PCDHA12: variants seen among roughly 807,000 people sequenced by gnomAD.
The protein encoded by PCDHA12 is protocadherin alpha-12.
Under a neutral mutation model 60.0 loss-of-function variants are expected in PCDHA12, and 44 were observed. The observed-to-expected ratio is 0.73, with a 90% CI of 0.58 to 0.94. The LOEUF (loss-of-function observed/expected upper bound fraction) is 0.94, where lower values mean the gene tolerates loss of function less well. Among genes scored for constraint, PCDHA12 ranks in the 40% least tolerant of loss-of-function variants. The pLI is 0.00. For synonymous variants in PCDHA12, 569 were observed against 553.0 expected (o/e 1.03, Z -0.40); for missense variants, 1,276 against 1,239.7 (o/e 1.03, Z -0.44).
intron 1 of PCDHA12, among the ~76,000 whole-genome samples, chr5:140,910,422 C>T (rs1184807086): frequency 6.6e-6 from 1 of 152,148 alleles, no homozygotes; most frequent in Non-Finnish European, 1.5e-5. Flanking sequence ...TCCAATTATT[C>T]CCATTGCATT....
intron 1 of PCDHA12, among the ~76,000 whole-genome samples, chr5:140,936,591 G>T (rs1188475668): frequency 6.6e-6 from 1 of 152,180 alleles, no homozygotes; most frequent in Non-Finnish European, 1.5e-5. Context: ...CAGTTAGATT[G>T]CCTACTTTCC....
At chr5:140,916,261 A>C (rs2077497892) in intron 1 of PCDHA12, among the ~76,000 whole-genome samples, 1 of 152,168 alleles carries the variant, frequency 6.6e-6, no homozygotes. Context: ...GGACCCCAAG[A>C]GCATGCTTGT....
At chr5:141,005,490 TC>T (rs1451220963) in intron 3 of PCDHA12, among the ~76,000 whole-genome samples, 1 of 151,242 alleles carries the variant, frequency 6.6e-6, no homozygotes. Flanking sequence ...GATCATGAGG[TC>T]AGGAGATCGA....
chr5:140,918,496 A>G lies in PCDHA12; in HGVS notation c.2367+40657A>G, dbSNP rs79827125. Among the ~76,000 whole-genome samples the G allele has an allele frequency of 8.0e-3, 1,215 of 152,276 alleles. 6 individuals are homozygous for G. Among genetic ancestry groups the G allele is most frequent in the African/African-American group, 0.019 (784 of 41,558 alleles). On this transcript the variant is annotated intron_variant, in intron 1 of 3. Transcript: ENST00000398631. ...TCTCAAGGGGAATGCTTTGGATGGT[A>G]CCAATCCTTTTAAACTTATTGAGGA...
chr5:140,948,464 G>A (rs1357759863), intron 1 of PCDHA12, among the ~76,000 whole-genome samples: 1 of 151,508 alleles, frequency 6.6e-6, no homozygotes, highest in Non-Finnish European at 1.5e-5. Flanking sequence ...TTTAGGGAAA[G>A]TTTCTGATAA....
intron 1 of PCDHA12, among the ~76,000 whole-genome samples, chr5:140,955,431 AG>A (rs1273972601): frequency 1.3e-5 from 2 of 152,194 alleles, no homozygotes; most frequent in East Asian, 3.9e-4. Flanking sequence ...AGTTCTCATT[AG>A]GTCTGATGGT....
chr5:140,882,836 T>C (rs782210486), intron 1 of PCDHA12: 1 of 1,614,226 alleles, frequency 6.2e-7, no homozygotes, highest in South Asian at 1.1e-5. Flanking sequence ...TGAGCAAATG[T>C]CTTCATTATC....
At chr5:140,989,410 C>T (rs568177388) in intron 3 of PCDHA12, among the ~76,000 whole-genome samples, 1 of 152,230 alleles carries the variant, frequency 6.6e-6, no homozygotes, top group South Asian at 2.1e-4. Context: ...GGAGAGTCTG[C>T]ACTTCACTCT....
rs542536806 is a variant in PCDHA12, at chr5:140,896,054, G to T, written c.2367+18215G>T. Among the ~76,000 whole-genome samples the T allele has an allele frequency of 4.6e-5, 7 of 151,966 alleles. 1 individual carries two copies. In the East Asian group the frequency reaches 1.4e-3, roughly 30 times the overall value. On this transcript the variant is annotated intron_variant, in intron 1 of 3. Transcript: ENST00000398631. ...TCGAACTCCTGACCTCAGGTGATCC[G>T]CCTGCCTCGGCCTCCCAACATGCTG...
Position 140,978,839 on chromosome 5 carries a change from C to CT in PCDHA12, c.2368-104dup, listed in dbSNP as rs5871758. On this transcript the variant is annotated intron_variant, in intron 1 of 3. Transcript: ENST00000398631. ...TACACATGAAATGGCTCATTCAATA[C>CT]TTTTTTAGATGCCTGGAAATATTTA... 14,607 of 1,556,970 alleles carry CT rather than the reference C, an allele frequency of 9.4e-3. 629 individuals carry two copies. The African/African-American group carries it at 0.12, about 13-fold the overall frequency.
At chr5:140,914,030 G>T (rs2076568173) in intron 1 of PCDHA12, among the ~76,000 whole-genome samples, 1 of 152,298 alleles carries the variant, frequency 6.6e-6, no homozygotes, top group East Asian at 1.9e-4. Flanking sequence ...CACGTGCTGA[G>T]AAGAATGTGT....
At chr5:140,883,474 G>C in intron 1 of PCDHA12, 1 of 1,614,126 alleles carries the variant, frequency 6.2e-7, no homozygotes, top group Middle Eastern at 1.7e-4. Flanking sequence ...CCACCTACAA[G>C]AACTACTACT....
intron 3 of PCDHA12, among the ~76,000 whole-genome samples, chr5:140,990,983 A>G (rs3776109): frequency 0.049 from 7,423 of 152,298 alleles, 240 homozygotes; most frequent in South Asian, 0.11. Flanking sequence ...AAAGGAAGAC[A>G]ATAGCTACCA....
intron 1 of PCDHA12, among the ~76,000 whole-genome samples, chr5:140,900,747 CTTGGTAGCTCTATT>C (rs545406022): frequency 3.1e-4 from 47 of 152,302 alleles, no homozygotes; most frequent in African/African-American, 1.1e-3. Flanking sequence ...TTCTGGATCA[CTTGGTAGCTCTATT>C]TTTGGCTTTT....
At chr5:140,990,155 G>GT (rs1274867030) in intron 3 of PCDHA12, among the ~76,000 whole-genome samples, 4 of 152,076 alleles carry the variant, frequency 2.6e-5, no homozygotes, top group African/African-American at 9.7e-5. Context: ...ATAATAGAAA[G>GT]TTAGGGTATG....
chr5:140,899,606 A>G (rs1330407383), intron 1 of PCDHA12, among the ~76,000 whole-genome samples: 1 of 152,168 alleles, frequency 6.6e-6, no homozygotes, highest in Non-Finnish European at 1.5e-5. Flanking sequence ...GGACTTTTGC[A>G]TCAATGTTCA....
chr5:140,933,772 C>T, intron 1 of PCDHA12, among the ~76,000 whole-genome samples: 1 of 152,176 alleles, frequency 6.6e-6, no homozygotes, highest in African/African-American at 2.4e-5. Flanking sequence ...TCTGTACCTA[C>T]AGTTTTCTTT....
intron 1 of PCDHA12, among the ~76,000 whole-genome samples, chr5:140,912,874 G>T (rs2076102653): frequency 6.6e-6 from 1 of 152,026 alleles, no homozygotes; most frequent in Non-Finnish European, 1.5e-5. Context: ...TATGGTTTTT[G>T]GTCTTCATTC....
chr5:140,982,612 C>T, intron 3 of PCDHA12, 49 bp downstream of exon 3: 2 of 1,599,360 alleles, frequency 1.3e-6, no homozygotes, highest in Non-Finnish European at 1.7e-6. Context: ...GGAAAGTGAT[C>T]AGATGACCTA....
Sources: gnomAD v4.1 joint callset for allele counts (sites outside exome capture counted in the v4.1 genomes callset) on GRCh38, gnomAD v4.1.1 for gene constraint, MANE v1.5 for transcripts, NCBI Gene and HGNC (gene_info 2026-07-23, HGNC 2026-07-21) for gene names.